MTUS1: variants seen among roughly 807,000 people sequenced by gnomAD.
MTUS1 encodes the protein microtubule-associated tumor suppressor 1.
Under a neutral mutation model 120.8 loss-of-function variants are expected in MTUS1, and 109 were observed. That is an observed-to-expected ratio of 0.90 (90% CI 0.77 to 1.06). The LOEUF is 1.06. MTUS1 is among the 50% of genes least tolerant of loss of function. The pLI is 0.00. For synonymous variants in MTUS1, 737 were observed against 550.5 expected, an observed-to-expected ratio of 1.34 and a Z score of -4.74; for missense variants, 2,210 against 1,486.3, an observed-to-expected ratio of 1.49 and a Z score of -8.01.
At chr8:17,683,347 T>TTC (rs1815028996) in intron 7 of MTUS1, among the ~76,000 whole-genome samples, 1 of 151,974 alleles carries the variant, frequency 6.6e-6, no homozygotes, top group Admixed American at 6.6e-5. Flanking sequence ...TCTCATCCAC[T>TTC]TCTCTCTCTC....
rs1263647380 is a variant in MTUS1, at chr8:17,753,630, T to C, written c.2091+87A>G. ...CTGCCCACCTGGTTCTGCAATATTA[T>C]TGACTAATAGATAACTAAATGCTAA... On this transcript the variant is annotated intron_variant, in intron 2 of 14. Coordinates refer to ENST00000693296, the MANE Select transcript of MTUS1 (RefSeq NM_001363059.2). 2.4e-5 allele frequency: 21 copies of C among 876,178 alleles called. No homozygotes were observed. In the East Asian group the frequency reaches 3.5e-4, roughly 14 times the overall value. The allele number at this position is 876,178 out of a possible 1,614,324, so 54.3% of individuals were successfully genotyped here.
intron 3 of MTUS1, among the ~76,000 whole-genome samples, chr8:17,738,509 T>C (rs1014746967): frequency 1.3e-5 from 2 of 152,214 alleles, no homozygotes; most frequent in African/African-American, 4.8e-5. Flanking sequence ...GAATTGATCA[T>C]GAAGGATTTA....
chr8:17,765,507 C>T (rs1317504892), intron 1 of MTUS1, among the ~76,000 whole-genome samples: 1 of 151,404 alleles, frequency 6.6e-6, no homozygotes, highest in East Asian at 1.9e-4. Context: ...GTAATCTCAG[C>T]TACTAGGGAG....
chr8:17,663,146 C>G (rs536240175), intron 8 of MTUS1, among the ~76,000 whole-genome samples: 1 of 152,228 alleles, frequency 6.6e-6, no homozygotes, highest in Admixed American at 6.5e-5. Flanking sequence ...CCCAGTGCCA[C>G]AGTCAAACAT....
At chr8:17,746,072 C>T (rs918238156) in intron 2 of MTUS1, among the ~76,000 whole-genome samples, 7 of 152,184 alleles carry the variant, frequency 4.6e-5, no homozygotes, top group African/African-American at 1.7e-4. Context: ...AACTGTGAGT[C>T]AATTAAACCT....
intron 4 of MTUS1, among the ~76,000 whole-genome samples, chr8:17,720,344 TAAA>T (rs78717757): frequency 7.4e-6 from 1 of 134,458 alleles, no homozygotes; most frequent in African/African-American, 2.8e-5. Context: ...AAACTCCATC[TAAA>T]AAAAAAAAAA....
chr8:17,690,756 G>C (rs2130825331), intron 6 of MTUS1, among the ~76,000 whole-genome samples: 1 of 152,142 alleles, frequency 6.6e-6, no homozygotes, highest in East Asian at 1.9e-4. Context: ...CACCCCAAAA[G>C]AAAGCTCTAT....
rs773122612 is a variant in MTUS1 at position 17,755,624 on chromosome 8, G to A, written c.184C>T (p.Pro62Ser). Reference protein sequence around the residue: ...DDMVVDYETDPAVVTGENISL... With the variant: ...DDMVVDYETDSAVVTGENISL... ...ATATTTTCACCAGTAACTACAGCAG[G>A]GTCAGTTTCATAATCAACCACCATG... Residue 62 changes from proline (P) to serine (S), a missense_variant, in exon 2 of 15, where the codon CCT (proline) becomes TCT (serine). By Grantham distance (74) the Pro-to-Ser change is moderately conservative. Transcript: ENST00000693296. 6 of 1,613,994 alleles carry A rather than the reference G, an allele frequency of 3.7e-6. No individual in the cohort carries two copies. The highest frequency in any genetic ancestry group is 4.2e-6 in the Non-Finnish European group (5 of 1,180,008).
chr8:17,651,493 CATACATTTT>C (rs1448477071), intron 12 of MTUS1: 3 of 151,332 alleles, frequency 2.0e-5, no homozygotes, highest in Non-Finnish European at 4.4e-5. Flanking sequence ...TTTTAAATTT[CATACATTTT>C]ATACAGTGTT....
chr8:17,799,392 A>C (rs1456293075), intron 1 of MTUS1, among the ~76,000 whole-genome samples: 8 of 152,176 alleles, frequency 5.3e-5, no homozygotes, highest in African/African-American at 1.9e-4. Context: ...TAGTATATTT[A>C]GATAAACTAT....
rs964186967 is a variant in MTUS1 at position 17,753,880 on chromosome 8, A to C, written c.1928T>G (p.Val643Gly). The C allele has an allele frequency of 7.4e-6, 12 of 1,613,978 alleles. No homozygotes were observed. The African/African-American group carries it at 1.5e-4, about 20-fold the overall frequency. ...CAAACATTCTGCACTTTCCATTTTA[A>C]CAGGGAGTATGCCTTTGATCTTCTG... is the stretch of plus-strand genomic sequence containing the variant. Reference protein sequence around the residue: ...LFQKIKGILPVKMESAECLEM... With the variant: ...LFQKIKGILPGKMESAECLEM... Residue 643 changes from valine to glycine, a missense_variant, in exon 2 of 15, where the codon GTT becomes GGT. Physicochemically the swap from Val to Gly is moderately radical, Grantham distance 109. Coordinates refer to ENST00000693296, the MANE Select transcript of MTUS1 (RefSeq NM_001363059.2).
intron 3 of MTUS1, among the ~76,000 whole-genome samples, chr8:17,741,033 T>C (rs1234749485): frequency 6.7e-6 from 1 of 149,644 alleles, no homozygotes; most frequent in Admixed American, 6.7e-5. Flanking sequence ...CCTTGGCTAA[T>C]TTTTTTTTTG....
At chr8:17,748,002 C>T (rs917253758) in intron 2 of MTUS1, 24 of 152,158 alleles carry the variant, frequency 1.6e-4, no homozygotes, top group African/African-American at 5.1e-4. Flanking sequence ...GACCTGCCCC[C>T]CCATTATTCA....
intron 2 of MTUS1, among the ~76,000 whole-genome samples, chr8:17,753,272 T>C (rs1196696645): frequency 2.0e-5 from 3 of 152,126 alleles, no homozygotes; most frequent in Non-Finnish European, 4.4e-5. Flanking sequence ...CAGAGCTGCC[T>C]CCTCCGCAAG....
At chr8:17,741,744 G>GC (rs2047334120) in intron 3 of MTUS1, among the ~76,000 whole-genome samples, 5 of 152,244 alleles carry the variant, frequency 3.3e-5, no homozygotes, top group Admixed American at 2.6e-4. Context: ...TGGGATTCAA[G>GC]CCCCACGAAA....
intron 8 of MTUS1, among the ~76,000 whole-genome samples, chr8:17,662,904 A>G (rs974462907): frequency 2.0e-5 from 3 of 151,994 alleles, no homozygotes; most frequent in Non-Finnish European, 4.4e-5. Context: ...GAAGGAGAAG[A>G]AGGAAAGGAA....
intron 1 of MTUS1, among the ~76,000 whole-genome samples, chr8:17,777,456 A>G (rs2050542089): frequency 1.3e-5 from 2 of 151,708 alleles, no homozygotes; most frequent in South Asian, 4.2e-4. Context: ...GAAAAAGAAA[A>G]AAAAAAAAAA....
chr8:17,778,261 A>T (rs1046837460), intron 1 of MTUS1, among the ~76,000 whole-genome samples: 2 of 152,300 alleles, frequency 1.3e-5, no homozygotes, highest in African/African-American at 2.4e-5. Context: ...TAAGCAAAAG[A>T]CGTCACACAC....
chr8:17,759,444 CT>C (rs1410234910), intron 1 of MTUS1, among the ~76,000 whole-genome samples: 3 of 151,072 alleles, frequency 2.0e-5, no homozygotes, highest in African/African-American at 7.3e-5. Context: ...TTTTAAAAAA[CT>C]TTTTGTAGAA....
Sources: allele counts gnomAD v4.1 joint callset (sites outside exome capture counted in the v4.1 genomes callset), GRCh38; gene constraint gnomAD v4.1.1; transcripts MANE v1.5; gene names NCBI Gene and HGNC (gene_info 2026-07-23, HGNC 2026-07-21).